The following CLVS1 variants were observed in gnomAD, a reference collection of about 807,000 sequenced individuals.
CLVS1 encodes clavesin 1, also known as clavesin-1.
CLVS1 carries 10 observed loss-of-function variants against 33.1 expected under a neutral mutation model. That is an observed-to-expected ratio of 0.30 (90% CI 0.19 to 0.51). CLVS1 has a LOEUF of 0.51. Among genes scored for constraint, CLVS1 ranks in the 20% least tolerant of loss-of-function variants. CLVS1 has a pLI of 0.97. For synonymous variants in CLVS1, 163 were observed against 166.1 expected (o/e 0.98, Z 0.14); for missense variants, 343 against 433.4 (o/e 0.79, Z 1.85).
intron 2 of CLVS1, among the ~76,000 whole-genome samples, chr8:61,334,520 T>G (rs1218177021): frequency 2.0e-5 from 3 of 152,222 alleles, no homozygotes; most frequent in Non-Finnish European, 4.4e-5. Context: ...TTTGCTGTTT[T>G]CAGGATCATA....
intron 2 of CLVS1, among the ~76,000 whole-genome samples, chr8:61,236,100 G>A (rs1283718797): frequency 1.3e-5 from 2 of 152,172 alleles, no homozygotes; most frequent in African/African-American, 2.4e-5. Flanking sequence ...TGAGTTGGCT[G>A]TGCCATAGAT....
At chr8:61,177,296 A>G (rs930048922) in intron 2 of CLVS1, among the ~76,000 whole-genome samples, 1 of 152,058 alleles carries the variant, frequency 6.6e-6, no homozygotes, top group Non-Finnish European at 1.5e-5. Context: ...AGGAACTTCA[A>G]CTGCAGCCAG....
the CLVS1 span, among the ~76,000 whole-genome samples, chr8:60,978,837 A>G: frequency 6.6e-6 from 1 of 150,614 alleles, no homozygotes; most frequent in Admixed American, 6.6e-5. Flanking sequence ...AAAAAAAGAA[A>G]TAACTAAAAA....
chr8:61,469,931 C>G (rs1331965841), intron 5 of CLVS1, among the ~76,000 whole-genome samples: 1 of 152,218 alleles, frequency 6.6e-6, no homozygotes, highest in East Asian at 1.9e-4. Context: ...CGTCTCACTG[C>G]TACTCAAGCA....
chr8:61,183,230 G>T (rs887187176), intron 2 of CLVS1, among the ~76,000 whole-genome samples: 14 of 152,054 alleles, frequency 9.2e-5, no homozygotes, highest in Non-Finnish European at 1.5e-5. Flanking sequence ...CCTAGATGAT[G>T]GGTTCATAGG....
intron 2 of CLVS1, among the ~76,000 whole-genome samples, chr8:61,250,771 T>C (rs1191702793): frequency 2.0e-5 from 3 of 152,222 alleles, no homozygotes; most frequent in Non-Finnish European, 4.4e-5. Context: ...TGATTTTGTA[T>C]CCTGAGACTG....
At chr8:61,325,275 G>T (rs1177009684) in intron 2 of CLVS1, among the ~76,000 whole-genome samples, 1 of 151,994 alleles carries the variant, frequency 6.6e-6, no homozygotes, top group East Asian at 1.9e-4. Flanking sequence ...TAACTTGATT[G>T]TGGTAATCAT....
At chr8:61,047,640 T>C in the CLVS1 span, among the ~76,000 whole-genome samples, 2 of 152,130 alleles carry the variant, frequency 1.3e-5, no homozygotes, top group Non-Finnish European at 2.9e-5. Flanking sequence ...ATGTCCTTTG[T>C]AGGGACATGG....
chr8:61,347,699 G>T (rs1812277927), intron 2 of CLVS1, among the ~76,000 whole-genome samples: 1 of 121,888 alleles, frequency 8.2e-6, no homozygotes, highest in Non-Finnish European at 1.6e-5. Flanking sequence ...AGTATACATT[G>T]TGGAATAGCC....
upstream of CLVS1, chr8:61,287,947 A>G: frequency 2.6e-6 from 1 of 379,658 alleles, no homozygotes; most frequent in Admixed American, 3.1e-5. Flanking sequence ...TCCGTATAGA[A>G]GGACAGAGAA....
chr8:61,005,570 C>G, the CLVS1 span, among the ~76,000 whole-genome samples: 3 of 152,148 alleles, frequency 2.0e-5, no homozygotes, highest in Non-Finnish European at 4.4e-5. Context: ...AAGGAGATTG[C>G]TAACAAAAAG....
At chr8:61,065,891 G>A (rs1469461106) in intron 1 of CLVS1, among the ~76,000 whole-genome samples, 2 of 152,168 alleles carry the variant, frequency 1.3e-5, no homozygotes, top group Non-Finnish European at 2.9e-5. Flanking sequence ...ATGATTAATA[G>A]ATTATGAAAT....
the CLVS1 span, among the ~76,000 whole-genome samples, chr8:61,026,029 T>G: frequency 6.9e-6 from 1 of 144,968 alleles, no homozygotes. Context: ...CCACCCCCCT[T>G]CCCTCCCCCT....
intron 2 of CLVS1, among the ~76,000 whole-genome samples, chr8:61,354,145 A>G (rs1812588357): frequency 6.6e-6 from 1 of 152,076 alleles, no homozygotes; most frequent in Non-Finnish European, 1.5e-5. Flanking sequence ...CCACTGGAGA[A>G]TTTTACAAAT....
the CLVS1 span, among the ~76,000 whole-genome samples, chr8:61,013,640 C>T: frequency 6.6e-6 from 1 of 152,198 alleles, no homozygotes; most frequent in Non-Finnish European, 1.5e-5. Context: ...ATTTAATTAA[C>T]CTTTTGAAAT....
chr8:61,484,103 C>A (rs1436529371), intron 5 of CLVS1, among the ~76,000 whole-genome samples: 1 of 152,034 alleles, frequency 6.6e-6, no homozygotes, highest in Non-Finnish European at 1.5e-5. Context: ...AGCAATCAGG[C>A]AAGAGAAAGA....
At chr8:61,052,413 T>C (rs1263785569), upstream of CLVS1, among the ~76,000 whole-genome samples, 1 of 152,100 alleles carries the variant, frequency 6.6e-6, no homozygotes, top group East Asian at 1.9e-4. Context: ...AGATTGAGGA[T>C]GGGGTTTGCA....
the CLVS1 span, among the ~76,000 whole-genome samples, chr8:61,023,722 C>T: frequency 6.6e-6 from 1 of 152,180 alleles, no homozygotes; most frequent in Non-Finnish European, 1.5e-5. Context: ...CGGGAGGCTG[C>T]GCGCCGGCCC....
chr8:60,976,350 TTTTC>T, the CLVS1 span, among the ~76,000 whole-genome samples: 168 of 152,158 alleles, frequency 1.1e-3, no homozygotes, highest in African/African-American at 3.9e-3. Context: ...ATCTTGTTTC[TTTTC>T]TTTCTTTCTT....
Sources: gnomAD v4.1 joint callset for allele counts (sites outside exome capture counted in the v4.1 genomes callset) on GRCh38, gnomAD v4.1.1 for gene constraint, MANE v1.5 for transcripts, NCBI Gene and HGNC (gene_info 2026-07-23, HGNC 2026-07-21) for gene names.